ZNF184: variants seen among roughly 807,000 people sequenced by gnomAD.
The protein encoded by ZNF184 is zinc finger protein 184.
Under a neutral mutation model 54.4 loss-of-function variants are expected in ZNF184, and 16 were observed. That is an observed-to-expected ratio of 0.29 (90% CI 0.20 to 0.45). The LOEUF (loss-of-function observed/expected upper bound fraction) is 0.45, where lower values mean the gene tolerates loss of function less well. Ranked by LOEUF, ZNF184 falls within the 20% of genes least tolerant of loss-of-function variation. The probability of loss-of-function intolerance (pLI) is 1.00; values close to 1 mark genes in which losing one functional copy is unlikely to be tolerated. For missense variants in ZNF184, 681 were observed against 888.2 expected (o/e 0.77, Z 2.97); for synonymous variants, 254 against 295.3 (o/e 0.86, Z 1.43).
chr6:27,463,880 A>G (rs1763060431), intron 3 of ZNF184, among the ~76,000 whole-genome samples: 1 of 151,834 alleles, frequency 6.6e-6, no homozygotes. Context: ...GCAGACCTAC[A>G]CTACAAGAAA....
the ZNF184 span, among the ~76,000 whole-genome samples, chr6:27,440,874 G>A: frequency 6.6e-6 from 1 of 152,014 alleles, no homozygotes; most frequent in East Asian, 1.9e-4. Flanking sequence ...GCGTGGTGGT[G>A]GGTGCCTGTA....
At chr6:27,414,983 C>T in the ZNF184 span, among the ~76,000 whole-genome samples, 1 of 152,102 alleles carries the variant, frequency 6.6e-6, no homozygotes, top group Non-Finnish European at 1.5e-5. Flanking sequence ...GAGGCTGTTT[C>T]CTAAAATGTA....
chr6:27,444,957 C>G, the ZNF184 span, among the ~76,000 whole-genome samples: 8 of 152,132 alleles, frequency 5.3e-5, no homozygotes, highest in African/African-American at 1.9e-4. Flanking sequence ...ACAATGAAAA[C>G]GTTGGCAAAG....
chr6:27,409,392 A>G, the ZNF184 span, among the ~76,000 whole-genome samples: 2 of 149,990 alleles, frequency 1.3e-5, no homozygotes, highest in Non-Finnish European at 3.0e-5. Context: ...CCAGCTACTC[A>G]GGAGGCTGAG....
At chr6:27,447,072 CAAA>C (rs1321698681), downstream of ZNF184, among the ~76,000 whole-genome samples, 38 of 32,028 alleles carry the variant, frequency 1.2e-3, no homozygotes, top group African/African-American at 1.8e-3. Context: ...CCACTGCAAT[CAAA>C]AAAAAAAAAA....
chr6:27,443,086 A>T, the ZNF184 span, among the ~76,000 whole-genome samples: 1 of 152,234 alleles, frequency 6.6e-6, no homozygotes, highest in Admixed American at 6.5e-5. Context: ...CAATGATGGA[A>T]TTCACAAGAA....
chr6:27,409,270 C>A, the ZNF184 span, among the ~76,000 whole-genome samples: 1 of 151,972 alleles, frequency 6.6e-6, no homozygotes, highest in Non-Finnish European at 1.5e-5. Flanking sequence ...GAGGCCGAGG[C>A]GGGCGGATCA....
At chr6:27,460,871 A>C (rs1477120624) in intron 3 of ZNF184, among the ~76,000 whole-genome samples, 1 of 152,184 alleles carries the variant, frequency 6.6e-6, no homozygotes. Context: ...TGGTTGGCTC[A>C]TTCCTTGCTA....
At chr6:27,464,282 G>C (rs1763069545) in intron 3 of ZNF184, among the ~76,000 whole-genome samples, 1 of 152,124 alleles carries the variant, frequency 6.6e-6, no homozygotes, top group African/African-American at 2.4e-5. Flanking sequence ...ATAATTGGCT[G>C]CTTAAAGAAA....
At chr6:27,418,204 G>A in the ZNF184 span, among the ~76,000 whole-genome samples, 3 of 151,110 alleles carry the variant, frequency 2.0e-5, no homozygotes, top group African/African-American at 5.0e-5. Context: ...AGAGGCCAGG[G>A]AAAAGGTAGT....
the ZNF184 span, among the ~76,000 whole-genome samples, chr6:27,429,820 C>T: frequency 1.3e-5 from 2 of 152,166 alleles, no homozygotes; most frequent in South Asian, 2.1e-4. Flanking sequence ...TTGTTTGGCT[C>T]GGCCTAAGAA....
chr6:27,442,799 AAAGAGAAAGAAAG>A, the ZNF184 span, among the ~76,000 whole-genome samples: 15 of 69,288 alleles, frequency 2.2e-4, no homozygotes, highest in Non-Finnish European at 2.3e-4. Context: ...AGAAAGAAAG[AAAGAGAAAGAAAG>A]AGAAAGAAAG....
the ZNF184 span, among the ~76,000 whole-genome samples, chr6:27,423,999 TCTCA>T: frequency 6.6e-6 from 1 of 152,216 alleles, no homozygotes; most frequent in Non-Finnish European, 1.5e-5. Flanking sequence ...GGGTTCTTGG[TCTCA>T]CTGACTTCAA....
At chr6:27,408,113 C>T in the ZNF184 span, 4 of 701,634 alleles carry the variant, frequency 5.7e-6, no homozygotes, top group South Asian at 3.1e-5. Flanking sequence ...TTGGTAAAAA[C>T]CTGTAGCAGT....
Position 27,472,270 on chromosome 6 carries a change from C to T in ZNF184, c.7+18G>A, listed in dbSNP as rs1349690665. The T allele has an allele frequency of 1.9e-6, 3 of 1,614,036 alleles. No individual in the cohort carries two copies. Among genetic ancestry groups the T allele is most frequent in the East Asian group, 2.2e-5 (1 of 44,870 alleles). ...CAAGCCTCCATCACCCCGCTCTCCC[C>T]CAAGTCGACCCCACTACCTTCCATC... On this transcript the variant is annotated intron_variant, in intron 2 of 5. Transcript: ENST00000683788. This position sits in a 1 kb window ranked among gnomAD's most constrained non-coding sequence, Gnocchi z 4.8.
At chr6:27,417,385 GT>G in the ZNF184 span, among the ~76,000 whole-genome samples, 7,604 of 146,430 alleles carry the variant, frequency 0.052, 257 homozygotes, top group Non-Finnish European at 0.075. Context: ...GACAATTCTG[GT>G]TTTTTTTTTT....
chr6:27,471,670 G>A lies in ZNF184; in HGVS notation c.7+618C>T, dbSNP rs117506524. Among the ~76,000 whole-genome samples the A allele has an allele frequency of 4.3e-4, 65 of 152,220 alleles. No individual in the cohort carries two copies. In the East Asian group the frequency reaches 0.013, roughly 29 times the overall value. On this transcript the variant is annotated intron_variant, in intron 2 of 5. Coordinates refer to ENST00000683788, the MANE Select transcript of ZNF184 (RefSeq NM_001318891.2). ...CAATCAAAAGAAGTGAGGCTATATT[G>A]CTTAGAAAAGAATTTATGAGGAGGA... is the stretch of plus-strand genomic sequence containing the variant.
In ZNF184 at chr6:27,465,016, C is replaced by CAAAAAAAAAAAAAAAAAAAAAAAA. The variant is rs61602778; in HGVS notation, c.75+2836_75+2837insTTTTTTTTTTTTTTTTTTTTTTTT. Among the ~76,000 whole-genome samples, 6 of 48,916 alleles carry CAAAAAAAAAAAAAAAAAAAAAAAA rather than the reference C, an allele frequency of 1.2e-4. 1 individual carries two copies. Among genetic ancestry groups the CAAAAAAAAAAAAAAAAAAAAAAAA allele is most frequent in the African/African-American group, 3.4e-4 (3 of 8,696 alleles). The allele number at this position is 48,916 out of a possible 152,430, so 32.1% of individuals were successfully genotyped here. The stretch of plus-strand genomic sequence containing the variant: ...TGGGCGACAGAGCAAGACTCTGTCT[C>CAAAAAAAAAAAAAAAAAAAAAAAA]AAAAAAAAAAAAAAAAAAAAATAGA... On this transcript the variant is annotated intron_variant, in intron 3 of 5. Transcript: ENST00000683788.
chr6:27,413,901 G>C, the ZNF184 span, among the ~76,000 whole-genome samples: 1 of 152,152 alleles, frequency 6.6e-6, no homozygotes, highest in Admixed American at 6.5e-5. Flanking sequence ...TCCTGGAGTA[G>C]AACTGCATTA....
Sources: gnomAD v4.1 joint callset for allele counts (sites outside exome capture counted in the v4.1 genomes callset) on GRCh38, gnomAD v4.1.1 for gene constraint, Gnocchi (gnomAD v3.1) non-coding constraint, MANE v1.5 for transcripts, NCBI Gene and HGNC (gene_info 2026-07-23, HGNC 2026-07-21) for gene names.